PPM1B: variants seen among roughly 807,000 people sequenced by gnomAD.
The protein encoded by PPM1B is protein phosphatase 1B.
PPM1B carries 22 observed loss-of-function variants against 43.0 expected under a neutral mutation model. The ratio of observed to expected loss-of-function variants is 0.51; its 90% CI spans 0.37 to 0.73. The LOEUF (loss-of-function observed/expected upper bound fraction) is 0.73. Ranked by LOEUF, PPM1B falls within the 30% of genes least tolerant of loss-of-function variation. The pLI is 0.00. For missense variants in PPM1B, 632 were observed against 584.2 expected, an observed-to-expected ratio of 1.08 and a Z score of -0.84; for synonymous variants, 217 against 197.9, an observed-to-expected ratio of 1.10 and a Z score of -0.81.
intron 2 of PPM1B, among the ~76,000 whole-genome samples, chr2:44,205,852 A>G (rs752069947): frequency 3.3e-5 from 5 of 152,210 alleles, no homozygotes; most frequent in Non-Finnish European, 7.3e-5. Flanking sequence ...TCCAAAGGCA[A>G]CATCATTCTA....
At chr2:44,224,137 A>C (rs192411152) in intron 5 of PPM1B, among the ~76,000 whole-genome samples, 56 of 152,176 alleles carry the variant, frequency 3.7e-4, no homozygotes, top group African/African-American at 1.3e-3. Context: ...CTTTTTCTCT[A>C]CTGTTATAAG....
downstream of PPM1B, among the ~76,000 whole-genome samples, chr2:44,236,684 A>C (rs1260711683): frequency 6.6e-6 from 1 of 152,196 alleles, no homozygotes; most frequent in Non-Finnish European, 1.5e-5. Context: ...ATGGTGCCCA[A>C]GTCTTTATCC....
downstream of PPM1B, among the ~76,000 whole-genome samples, chr2:44,236,658 C>G (rs1420818674): frequency 6.6e-6 from 1 of 152,128 alleles, no homozygotes; most frequent in Non-Finnish European, 1.5e-5. Flanking sequence ...GGAAAATACG[C>G]AAACCAGAGG....
At chr2:44,207,043 T>A (rs1669224728) in intron 2 of PPM1B, among the ~76,000 whole-genome samples, 1 of 152,206 alleles carries the variant, frequency 6.6e-6, no homozygotes, top group South Asian at 2.1e-4. Context: ...TGGAAATGGT[T>A]TTTCCAGATA....
At chr2:44,244,460 A>G, downstream of PPM1B, 1 of 998,902 alleles carries the variant, frequency 1.0e-6, no homozygotes, top group South Asian at 2.7e-5. Context: ...TGTGCCCTTC[A>G]AAATCATATT....
chr2:44,246,399 G>A (rs1308405137), downstream of PPM1B, among the ~76,000 whole-genome samples: 3 of 152,084 alleles, frequency 2.0e-5, no homozygotes, highest in Non-Finnish European at 4.4e-5. Context: ...GTTGGTTGTG[G>A]ATTTATCTAA....
chr2:44,218,055 T>G lies in PPM1B; in HGVS notation c.1053T>G (p.Pro351=), dbSNP rs755670049. The change falls in exon 4 of 6, where the codon CCT becomes CCG. Residue 351 remains proline, a synonymous_variant. Transcript: ENST00000282412. ...ILSAENIPNL[P]PGGGLAGKRN... is the part of the protein sequence containing the mutation. ...CTGCAGAAAATATCCCAAATTTGCC[T>G]CCTGGGGGAGGTCTTGCTGGCAAGT... 1.2e-6 allele frequency: 2 copies of G among 1,613,100 alleles called. No homozygotes were observed. The highest frequency in any genetic ancestry group is 3.3e-5 in the Admixed American group (2 of 59,794).
intron 1 of PPM1B, among the ~76,000 whole-genome samples, chr2:44,198,976 T>TGGCC (rs980714852): frequency 2.0e-5 from 3 of 152,006 alleles, no homozygotes; most frequent in African/African-American, 4.8e-5. Flanking sequence ...GAAATGGTCA[T>TGGCC]GGCCGGGCGT....
chr2:44,191,456 C>T (rs757298526), intron 1 of PPM1B, among the ~76,000 whole-genome samples: 1 of 152,132 alleles, frequency 6.6e-6, no homozygotes, highest in Admixed American at 6.5e-5. Context: ...CCTTATGATT[C>T]GCCTGCCTCA....
downstream of PPM1B, among the ~76,000 whole-genome samples, chr2:44,246,803 A>G (rs1241863254): frequency 6.6e-6 from 1 of 152,194 alleles, no homozygotes; most frequent in African/African-American, 2.4e-5. Context: ...TGAGCTTGTT[A>G]CAATTCTTCC....
intron 3 of PPM1B, among the ~76,000 whole-genome samples, chr2:44,215,416 C>T (rs572331166): frequency 7.9e-5 from 12 of 152,084 alleles, no homozygotes; most frequent in Non-Finnish European, 1.6e-4. Flanking sequence ...TATGATGGCA[C>T]CACTGCACTC....
downstream of PPM1B, chr2:44,233,189 C>G: frequency 1.1e-6 from 1 of 935,138 alleles, no homozygotes; most frequent in Non-Finnish European, 1.3e-6. Context: ...TTTTAAGATA[C>G]GAGTTTTGTG....
intron 1 of PPM1B, among the ~76,000 whole-genome samples, chr2:44,171,829 CAAAAAAAAAA>C (rs58214419): frequency 6.7e-5 from 8 of 118,768 alleles, no homozygotes; most frequent in Admixed American, 8.2e-5. Context: ...GACTCTGTCT[CAAAAAAAAAA>C]AAAAAAAAAA....
At chr2:44,184,905 G>T (rs1490520747) in intron 1 of PPM1B, among the ~76,000 whole-genome samples, 1 of 149,240 alleles carries the variant, frequency 6.7e-6, no homozygotes, top group Non-Finnish European at 1.5e-5. Flanking sequence ...TATAGTTGTT[G>T]CAGGTATCTT....
intron 1 of PPM1B, among the ~76,000 whole-genome samples, chr2:44,172,113 C>A (rs1359500099): frequency 1.3e-5 from 2 of 152,064 alleles, no homozygotes; most frequent in African/African-American, 2.4e-5. Flanking sequence ...CAAGTAATAG[C>A]ATAAAATGTG....
At chr2:44,232,771 G>A (rs1026076616), downstream of PPM1B, 2 of 987,162 alleles carry the variant, frequency 2.0e-6, no homozygotes, top group African/African-American at 1.7e-5. Context: ...CCTTTTTTCA[G>A]TTCACCAAGT....
chr2:44,234,457 T>C, downstream of PPM1B: 2 of 728,410 alleles, frequency 2.7e-6, no homozygotes, highest in Non-Finnish European at 3.3e-6. Context: ...AGGCGGAGGT[T>C]GCAGTGAGCT....
intron 5 of PPM1B, among the ~76,000 whole-genome samples, chr2:44,225,856 A>G (rs982160966): frequency 6.6e-6 from 1 of 151,300 alleles, no homozygotes; most frequent in Non-Finnish European, 1.5e-5. Context: ...GGGTTTCACC[A>G]TGTTGATCAG....
At chr2:44,220,501 G>A (rs1669929360) in intron 5 of PPM1B, among the ~76,000 whole-genome samples, 1 of 152,120 alleles carries the variant, frequency 6.6e-6, no homozygotes, top group South Asian at 2.1e-4. Context: ...TTTGGCTATA[G>A]AAATGGGATA....
Sources: allele counts gnomAD v4.1 joint callset (sites outside exome capture counted in the v4.1 genomes callset), GRCh38; gene constraint gnomAD v4.1.1; transcripts MANE v1.5; gene names NCBI Gene and HGNC (gene_info 2026-07-23, HGNC 2026-07-21).